Variants in SGCZ observed in about 807,000 individuals in gnomAD.
SGCZ encodes sarcoglycan zeta, also known as zeta-sarcoglycan.
In SGCZ, 40 loss-of-function variants were observed where a neutral mutation model predicts 41.3. That is an observed-to-expected ratio of 0.97 (90% CI 0.75 to 1.26). The LOEUF (loss-of-function observed/expected upper bound fraction) is 1.26. Ranked by LOEUF, SGCZ falls within the 50% of genes most tolerant of loss-of-function variation. SGCZ has a pLI of 0.00. For synonymous variants in SGCZ, 206 were observed against 137.5 expected (o/e 1.50, Z -3.49); for missense variants, 552 against 369.8 (o/e 1.49, Z -4.04).
In SGCZ at chr8:14,677,431, G is replaced by A. The variant is rs572636539; in HGVS notation, c.40-122505C>T. On this transcript the variant is annotated intron_variant, in intron 1 of 7. Coordinates refer to ENST00000382080, the MANE Select transcript of SGCZ (RefSeq NM_139167.4). ...CAATCAAAATCTCAGCTTATTTTATGAATAACAACAAATTGATTCTACATA... is the reference window on the plus strand; with the variant it reads ...CAATCAAAATCTCAGCTTATTTTATAAATAACAACAAATTGATTCTACATA... 6.6e-5 allele frequency among the ~76,000 whole-genome samples: 10 copies of A among 152,144 alleles called. No homozygotes were observed. The South Asian group carries it at 1.7e-3, about 25-fold the overall frequency.
chr8:15,198,428 C>T (rs1220389786), intron 1 of SGCZ, among the ~76,000 whole-genome samples: 1 of 151,982 alleles, frequency 6.6e-6, no homozygotes, highest in Admixed American at 6.6e-5. Context: ...TCTAGTCTAT[C>T]CTATACTACT....
intron 3 of SGCZ, among the ~76,000 whole-genome samples, chr8:14,301,006 G>A (rs930021484): frequency 1.6e-4 from 24 of 151,972 alleles, no homozygotes; most frequent in African/African-American, 5.5e-4. Context: ...GTATATATGA[G>A]TAAGATTCGA....
intron 2 of SGCZ, among the ~76,000 whole-genome samples, chr8:14,494,149 G>C (rs920057921): frequency 2.0e-5 from 3 of 152,122 alleles, no homozygotes; most frequent in African/African-American, 4.8e-5. Context: ...TATGAAAAAA[G>C]TAATTAATCT....
intron 1 of SGCZ, among the ~76,000 whole-genome samples, chr8:14,889,013 G>GT (rs1357976440): frequency 6.6e-6 from 1 of 152,032 alleles, no homozygotes; most frequent in Admixed American, 6.6e-5. Flanking sequence ...CCTACACAAA[G>GT]TAACATTGTA....
At chr8:14,660,170 T>C (rs535226451) in intron 1 of SGCZ, among the ~76,000 whole-genome samples, 1 of 152,178 alleles carries the variant, frequency 6.6e-6, no homozygotes, top group East Asian at 1.9e-4. Flanking sequence ...CAATATTGCA[T>C]GTCCTTATAT....
chr8:14,741,125 G>A (rs1357911126), intron 1 of SGCZ, among the ~76,000 whole-genome samples: 2 of 151,972 alleles, frequency 1.3e-5, no homozygotes, highest in African/African-American at 2.4e-5. Flanking sequence ...GAATATATAT[G>A]TCTAAAGCTT....
intron 2 of SGCZ, among the ~76,000 whole-genome samples, chr8:14,382,590 C>A (rs1198751827): frequency 6.6e-6 from 1 of 152,094 alleles, no homozygotes; most frequent in Non-Finnish European, 1.5e-5. Flanking sequence ...ATGTGCCACA[C>A]AATCATTATT....
At chr8:14,394,370 C>T (rs1035345231) in intron 2 of SGCZ, among the ~76,000 whole-genome samples, 8 of 151,960 alleles carry the variant, frequency 5.3e-5, no homozygotes, top group African/African-American at 1.9e-4. Flanking sequence ...AGGATGGTCT[C>T]GATCTCCTGA....
chr8:14,620,691 C>T (rs937375086), intron 1 of SGCZ, among the ~76,000 whole-genome samples: 6 of 152,156 alleles, frequency 3.9e-5, no homozygotes, highest in Non-Finnish European at 8.8e-5. Context: ...TGAAAAAATG[C>T]TCATCATCAC....
At chr8:15,144,714 C>G (rs1798991208) in intron 1 of SGCZ, among the ~76,000 whole-genome samples, 1 of 152,198 alleles carries the variant, frequency 6.6e-6, no homozygotes, top group African/African-American at 2.4e-5. Flanking sequence ...TCTTTGGCCT[C>G]CCAAAGTGCT....
intron 4 of SGCZ, among the ~76,000 whole-genome samples, chr8:14,208,347 C>G (rs944621538): frequency 6.6e-6 from 1 of 151,986 alleles, no homozygotes; most frequent in Non-Finnish European, 1.5e-5. Context: ...AATCTGACAC[C>G]GTAAGACATT....
At chr8:14,306,781 G>T (rs892595568) in intron 3 of SGCZ, among the ~76,000 whole-genome samples, 1 of 152,110 alleles carries the variant, frequency 6.6e-6, no homozygotes. Context: ...AAAAAATGTG[G>T]TAAATATCAG....
At chr8:14,895,967 G>A (rs779617539) in intron 1 of SGCZ, among the ~76,000 whole-genome samples, 7 of 152,062 alleles carry the variant, frequency 4.6e-5, no homozygotes, top group Non-Finnish European at 8.8e-5. Context: ...TTAAAAATAC[G>A]TACATCCCAG....
intron 1 of SGCZ, among the ~76,000 whole-genome samples, chr8:14,807,863 A>G (rs897770694): frequency 3.1e-4 from 47 of 152,234 alleles, no homozygotes; most frequent in South Asian, 1.4e-3. Flanking sequence ...AAACAGCATG[A>G]TACTGGTACC....
chr8:15,113,200 C>G (rs897154424), intron 1 of SGCZ, among the ~76,000 whole-genome samples: 1 of 119,552 alleles, frequency 8.4e-6, no homozygotes, highest in Non-Finnish European at 1.7e-5. Flanking sequence ...GAGAGCGAGA[C>G]CTGGCTCAAA....
chr8:14,566,864 C>A (rs1458120349), intron 1 of SGCZ, among the ~76,000 whole-genome samples: 1 of 152,296 alleles, frequency 6.6e-6, no homozygotes, highest in African/African-American at 2.4e-5. Flanking sequence ...ACGGTGCTTG[C>A]GGGCCAGTGC....
intron 5 of SGCZ, among the ~76,000 whole-genome samples, chr8:14,132,930 GC>G (rs1803085964): frequency 6.6e-6 from 1 of 152,116 alleles, no homozygotes; most frequent in Admixed American, 6.6e-5. Context: ...CGCTTTGTGT[GC>G]AGTCTCTGAA....
At chr8:14,649,840 C>T (rs956290805) in intron 1 of SGCZ, among the ~76,000 whole-genome samples, 1 of 151,994 alleles carries the variant, frequency 6.6e-6, no homozygotes, top group African/African-American at 2.4e-5. Flanking sequence ...AGGCACACAC[C>T]TACAGCTGGA....
At chr8:14,935,924 C>T (rs1415443365) in intron 1 of SGCZ, among the ~76,000 whole-genome samples, 3 of 151,854 alleles carry the variant, frequency 2.0e-5, no homozygotes, top group Admixed American at 2.0e-4. Context: ...AGCTGATTTG[C>T]TCTATTTGTA....
Sources: gnomAD v4.1 joint callset for allele counts (sites outside exome capture counted in the v4.1 genomes callset) on GRCh38, gnomAD v4.1.1 for gene constraint, MANE v1.5 for transcripts, NCBI Gene and HGNC (gene_info 2026-07-23, HGNC 2026-07-21) for gene names.